Variants in PTGR1 observed in about 807,000 individuals in gnomAD.
PTGR1 encodes the protein 15-oxoprostaglandin 13-reductase.
In PTGR1, 23 loss-of-function variants were observed where a neutral mutation model predicts 37.7. The ratio of observed to expected loss-of-function variants is 0.61; its 90% CI spans 0.44 to 0.86. The LOEUF is 0.86. PTGR1 is among the 40% of genes least tolerant of loss of function. PTGR1 has a pLI of 0.00. For missense variants in PTGR1, 351 were observed against 394.3 expected, an observed-to-expected ratio of 0.89 and a Z score of 0.93; for synonymous variants, 134 against 140.0, an observed-to-expected ratio of 0.96 and a Z score of 0.30.
At position 111,584,205 on chromosome 9, in the gene PTGR1, A is replaced by G. The variant is rs141105077; in HGVS notation, c.378-616T>C. On this transcript the variant is annotated intron_variant, in intron 5 of 9. Transcript: ENST00000407693. ...GGGGACTGGGTGAAGACACCACCGC[A>G]TCTCATTGGATTGCGAGTTTGGAAG... is the stretch of plus-strand genomic sequence containing the variant. 2.0e-5 allele frequency among the ~76,000 whole-genome samples: 3 copies of G among 152,330 alleles called. No individual in the cohort carries two copies. The East Asian group carries it at 5.8e-4, about 29-fold the overall frequency.
intron 9 of PTGR1, among the ~76,000 whole-genome samples, chr9:111,550,632 G>A (rs1271742772): frequency 6.6e-6 from 1 of 152,134 alleles, no homozygotes. Context: ...TATTATCTAG[G>A]TGGAGAGGTG....
At chr9:111,560,318 C>CA (rs1423986914), downstream of PTGR1, among the ~76,000 whole-genome samples, 1 of 151,562 alleles carries the variant, frequency 6.6e-6, no homozygotes, top group Non-Finnish European at 1.5e-5. Context: ...ACTAAAAATA[C>CA]AAAAAATTAG....
At chr9:111,593,131 C>T (rs548945775) in intron 3 of PTGR1, 149 bp from the exon 4 acceptor site, 7 of 1,299,288 alleles carry the variant, frequency 5.4e-6, no homozygotes, top group African/African-American at 1.5e-5. Context: ...AAAACCCAGA[C>T]AGATGAAGGG....
chr9:111,573,378 A>C (rs1828915109), intron 8 of PTGR1, among the ~76,000 whole-genome samples: 1 of 152,150 alleles, frequency 6.6e-6, no homozygotes, highest in South Asian at 2.1e-4. Flanking sequence ...GGGAATCTAC[A>C]AGTTGCCCTT....
intron 4 of PTGR1, among the ~76,000 whole-genome samples, chr9:111,590,538 T>C (rs1829578565): frequency 6.6e-6 from 1 of 152,156 alleles, no homozygotes; most frequent in Non-Finnish European, 1.5e-5. Context: ...TCTTTATTTT[T>C]AGTAGAGATT....
At chr9:111,569,781 T>TTCAC (rs1403166804) in intron 9 of PTGR1, 2 of 356,308 alleles carry the variant, frequency 5.6e-6, no homozygotes, top group African/African-American at 2.1e-5. Context: ...TATGTGGGTT[T>TTCAC]AAGGAAGAAT....
At chr9:111,562,276 CT>C (rs35900341), downstream of PTGR1, among the ~76,000 whole-genome samples, 13,220 of 140,364 alleles carry the variant, frequency 0.094, 714 homozygotes, top group African/African-American at 0.16. Flanking sequence ...AAGCAGTAAA[CT>C]TTTTTTTTTT....
chr9:111,582,136 A>C (rs1257067382), intron 6 of PTGR1, among the ~76,000 whole-genome samples: 1 of 152,196 alleles, frequency 6.6e-6, no homozygotes, highest in East Asian at 1.9e-4. Flanking sequence ...AAACAAAGTA[A>C]GATAATATAA....
At chr9:111,561,176 AGAAAGAG>A (rs776488815), downstream of PTGR1, among the ~76,000 whole-genome samples, 1,785 of 127,414 alleles carry the variant, frequency 0.014, 65 homozygotes, top group East Asian at 0.075. Flanking sequence ...AGAGAGAGAG[AGAAAGAG>A]AGAGAGATTC....
chr9:111,570,647 C>T (rs1360746688), intron 8 of PTGR1, among the ~76,000 whole-genome samples: 4 of 151,710 alleles, frequency 2.6e-5, no homozygotes, highest in Admixed American at 6.6e-5. Flanking sequence ...GGCATGGTGG[C>T]GGGTGCCTAT....
At chr9:111,567,245 T>C (rs1379165271) in intron 9 of PTGR1, among the ~76,000 whole-genome samples, 1 of 152,192 alleles carries the variant, frequency 6.6e-6, no homozygotes, top group African/African-American at 2.4e-5. Flanking sequence ...TGGAGTGCAG[T>C]GGCACGATCT....
At chr9:111,584,149 C>A (rs1829360864) in intron 5 of PTGR1, among the ~76,000 whole-genome samples, 1 of 152,212 alleles carries the variant, frequency 6.6e-6, no homozygotes, top group South Asian at 2.1e-4. Context: ...AGCTACTGGA[C>A]CTACCAAGAT....
chr9:111,592,145 T>A (rs1004094269), intron 4 of PTGR1, among the ~76,000 whole-genome samples: 1 of 152,260 alleles, frequency 6.6e-6, no homozygotes, highest in Non-Finnish European at 1.5e-5. Context: ...CTCTTTACGG[T>A]TAAGGCATAC....
downstream of PTGR1, among the ~76,000 whole-genome samples, chr9:111,558,096 G>A (rs190778886): frequency 1.4e-3 from 218 of 152,150 alleles, 1 homozygote; most frequent in Non-Finnish European, 2.3e-3. Context: ...GCACTAAGCC[G>A]AGATTGCACC....
At position 111,597,376 on chromosome 9, in the gene PTGR1, T is replaced by C. The variant is rs1023321544; in HGVS notation, c.47A>G (p.Tyr16Cys). The change falls in exon 2 of 10, where the codon TAT (tyrosine) becomes TGT (cysteine). Residue 16 changes from tyrosine (Y) to cysteine (C), a missense_variant. Tyr to Cys is a radical substitution (Grantham distance 194). Transcript: ENST00000407693. ...TWTLKKHFVG[Y>C]PTNSDFELKT... ...CAACTCAAAGTCACTATTAGTAGGATAGCCAACAAAGTGCTTCTTCAGGGT... is the reference window on the plus strand; with the variant it reads ...CAACTCAAAGTCACTATTAGTAGGACAGCCAACAAAGTGCTTCTTCAGGGT... The C allele has an allele frequency of 1.2e-6, 2 of 1,613,690 alleles. No individual in the cohort carries two copies. Among genetic ancestry groups the C allele is most frequent in the Non-Finnish European group, 1.7e-6 (2 of 1,179,842 alleles).
In PTGR1 at chr9:111,570,182, TGATA is replaced by T. The variant is rs769066972; in HGVS notation, c.784_787del (p.Tyr262ArgfsTer22). The T allele has an allele frequency of 6.2e-7, 1 of 1,614,036 alleles. No homozygotes were observed. Among genetic ancestry groups the T allele is most frequent in the Non-Finnish European group, 8.5e-7 (1 of 1,179,998 alleles). On this transcript the variant is annotated frameshift_variant, in exon 9 of 10. Transcript: ENST00000407693. LOFTEE classifies it high-confidence loss of function. ...GACAAAAGCTTCCATGCGAAGCTCC[TGATA>T]GATAACAATCTCTGGGGGTGGGCCT... is the stretch of plus-strand genomic sequence containing the variant.
At chr9:111,576,313 T>G (rs1829052551) in intron 7 of PTGR1, 2 of 1,603,996 alleles carry the variant, frequency 1.2e-6, no homozygotes, top group Non-Finnish European at 1.7e-6. Context: ...TGCTAAAATT[T>G]TATTTGTAAC....
In PTGR1 at chr9:111,573,931, A is replaced by G. The variant is rs181483061; in HGVS notation, c.760+803T>C. 3.9e-4 allele frequency among the ~76,000 whole-genome samples: 59 copies of G among 152,276 alleles called. No homozygotes were observed. In the East Asian group the frequency reaches 0.011, roughly 28 times the overall value. ...CCAGAGAAATAAAACAAGGACAATC[A>G]AGGAATGGAGGGAAGCTGCTGCTCC... On this transcript the variant is annotated intron_variant, in intron 8 of 9. Transcript: ENST00000407693.
chr9:111,583,420 G>A (rs1829336695), intron 6 of PTGR1, 52 bp downstream of exon 6: 15 of 1,420,920 alleles, frequency 1.1e-5, no homozygotes, highest in Non-Finnish European at 1.5e-5. Context: ...GTTCACTGTT[G>A]CATTCCCAAT....
Sources: gnomAD v4.1 joint callset for allele counts (sites outside exome capture counted in the v4.1 genomes callset) on GRCh38, gnomAD v4.1.1 for gene constraint, MANE v1.5 for transcripts, NCBI Gene and HGNC (gene_info 2026-07-23, HGNC 2026-07-21) for gene names.